Variants in ZNF670 observed in about 807,000 individuals in gnomAD.
ZNF670 encodes zinc finger protein 670.
Under a neutral mutation model 10.9 loss-of-function variants are expected in ZNF670, and 7 were observed. The ratio of observed to expected loss-of-function variants is 0.64; its 90% CI spans 0.36 to 1.20. ZNF670 has a LOEUF of 1.20. ZNF670 is among the 50% of genes most tolerant of loss of function. ZNF670 has a pLI of 0.02. For synonymous variants in ZNF670, 136 were observed against 152.7 expected, an observed-to-expected ratio of 0.89 and a Z score of 0.81; for missense variants, 446 against 458.6, an observed-to-expected ratio of 0.97 and a Z score of 0.25.
intron 1 of ZNF670, among the ~76,000 whole-genome samples, chr1:247,042,333 G>T (rs1435825739): frequency 2.6e-5 from 4 of 152,188 alleles, no homozygotes; most frequent in Admixed American, 2.6e-4. Context: ...ACCACATGGT[G>T]GTGGGCAATG....
chr1:247,066,572 A>C (rs1670984499), intron 1 of ZNF670, among the ~76,000 whole-genome samples: 1 of 152,134 alleles, frequency 6.6e-6, no homozygotes, highest in Non-Finnish European at 1.5e-5. Context: ...TAAACCACAA[A>C]TAACATTCTA....
At chr1:247,054,619 T>C (rs1265200064) in intron 1 of ZNF670, among the ~76,000 whole-genome samples, 1 of 152,152 alleles carries the variant, frequency 6.6e-6, no homozygotes, top group Non-Finnish European at 1.5e-5. Flanking sequence ...ACTAGCTAAT[T>C]TAAGATACAG....
At chr1:247,078,498 ACT>A in intron 1 of ZNF670, 94 bp downstream of exon 1, 1 of 1,514,506 alleles carries the variant, frequency 6.6e-7, no homozygotes, top group Non-Finnish European at 9.0e-7. Flanking sequence ...GCCGGCGGAA[ACT>A]CGGGTCGGCA....
rs1281699512 is a variant in ZNF670, at chr1:247,038,874, A to G, written c.131-4T>C. The G allele has an allele frequency of 6.2e-7, 1 of 1,609,432 alleles. No homozygotes were observed. The highest frequency in any genetic ancestry group is 8.5e-7 in the Non-Finnish European group (1 of 1,176,536). ...TTCTGGTCTTCTGATTTGTTTCCTA[A>G]AAGGTACAACCATAAGATTATTCAA... On this transcript the variant is annotated splice_polypyrimidine_tract_variant and splice_region_variant and intron_variant, in intron 2 of 3. Coordinates refer to ENST00000366503, the MANE Select transcript of ZNF670 (RefSeq NM_033213.5).
rs367754379 is a variant in ZNF670, at chr1:247,038,221, C to T, written c.398G>A (p.Cys133Tyr). ...ATATAACTTCTCTGGACATTCCTCA[C>T]ACTCAAATAGTTTGTTTCCAATGTG... ...LSHIGNKLFE[C>Y]EECPEKLYHC... is the part of the protein sequence containing the mutation. Residue 133 changes from cysteine (C) to tyrosine (Y), a missense_variant, in exon 4 of 4, where the codon TGT becomes TAT. Transcript: ENST00000366503. 2 of 1,614,076 alleles carry T rather than the reference C, an allele frequency of 1.2e-6. No homozygotes were observed. The highest frequency in any genetic ancestry group is 1.7e-6 in the Non-Finnish European group (2 of 1,180,032).
chr1:247,038,674 C>G, intron 3 of ZNF670, 136 bp downstream of exon 3: 1 of 741,126 alleles, frequency 1.3e-6, no homozygotes, highest in Non-Finnish European at 2.2e-6. Context: ...ATGTTACATT[C>G]AGGTGTATTT....
At position 247,077,753 on chromosome 1, in the gene ZNF670, C is replaced by A. The variant is rs568003132; in HGVS notation, c.3+841G>T. Among the ~76,000 whole-genome samples, 11 of 152,312 alleles carry A rather than the reference C, an allele frequency of 7.2e-5. No homozygotes were observed. The South Asian group carries it at 2.1e-3, about 29-fold the overall frequency. ...CCCCAGAAGAGTTAGGCTGTGGGAACAGGGTCGTTGATGTGAGATCCTGTT... is the reference window on the plus strand; with the variant it reads ...CCCCAGAAGAGTTAGGCTGTGGGAAAAGGGTCGTTGATGTGAGATCCTGTT... On this transcript the variant is annotated intron_variant, in intron 1 of 3. Transcript: ENST00000366503.
chr1:247,052,074 T>C (rs1345342373), intron 1 of ZNF670, among the ~76,000 whole-genome samples: 1 of 152,102 alleles, frequency 6.6e-6, no homozygotes, highest in Admixed American at 6.6e-5. Context: ...ATCAACCTTT[T>C]AAATTCTTTT....
At chr1:247,052,108 TTAGTTTG>T (rs1445729213) in intron 1 of ZNF670, among the ~76,000 whole-genome samples, 1 of 152,172 alleles carries the variant, frequency 6.6e-6, no homozygotes, top group Non-Finnish European at 1.5e-5. Flanking sequence ...AGATTTCTTC[TTAGTTTG>T]CATCCACTGC....
At position 247,068,319 on chromosome 1, in the gene ZNF670, C is replaced by CAAAAAAAAAAAAAAAAAAAAAAAAAA. The variant is rs74163724; in HGVS notation, c.3+10274_3+10275insTTTTTTTTTTTTTTTTTTTTTTTTTT. ...AGGTGACAGAGTAAGATTCTGTCTC[C>CAAAAAAAAAAAAAAAAAAAAAAAAAA]AAAAAAAAAAAAAAAAAAGATGGGC... On this transcript the variant is annotated intron_variant, in intron 1 of 3. Coordinates refer to ENST00000366503, the MANE Select transcript of ZNF670 (RefSeq NM_033213.5). Among the ~76,000 whole-genome samples, 39 of 55,222 alleles carry CAAAAAAAAAAAAAAAAAAAAAAAAAA rather than the reference C, an allele frequency of 7.1e-4. 1 individual carries two copies. Among genetic ancestry groups the CAAAAAAAAAAAAAAAAAAAAAAAAAA allele is most frequent in the Admixed American group, 1.0e-3 (5 of 4,980 alleles). The allele number at this position is 55,222 out of a possible 152,430, so 36.2% of individuals were successfully genotyped here.
chr1:247,038,011 T>A lies in ZNF670; in HGVS notation c.608A>T (p.Asp203Val), dbSNP rs764265073. ...ATAACTTGAATAATTGAAGGCTTTA[T>A]CACAATGTTTACATTTATATGTTTT... is the stretch of plus-strand genomic sequence containing the variant. ...GEKTYKCKHC[D>V]KAFNYSSYLR... Residue 203 changes from aspartate (D) to valine (V), a missense_variant, in exon 4 of 4, where the codon GAT becomes GTT. By Grantham distance (152) the Asp-to-Val change is radical. Coordinates refer to ENST00000366503, the MANE Select transcript of ZNF670 (RefSeq NM_033213.5). 2.5e-6 allele frequency: 4 copies of A among 1,613,774 alleles called. No homozygotes were observed. Among genetic ancestry groups the A allele is most frequent in the Non-Finnish European group, 3.4e-6 (4 of 1,179,910 alleles).
At chr1:247,038,729 A>G in intron 3 of ZNF670, 81 bp downstream of exon 3, 1 of 1,259,580 alleles carries the variant, frequency 7.9e-7, no homozygotes. Context: ...AGTGGTTCTT[A>G]GTTGTTTTGT....
intron 1 of ZNF670, among the ~76,000 whole-genome samples, chr1:247,056,810 A>T (rs1488422458): frequency 6.6e-6 from 1 of 152,140 alleles, no homozygotes; most frequent in African/African-American, 2.4e-5. Flanking sequence ...AGAAGAATAA[A>T]ACTAGACCAC....
chr1:247,062,972 G>A (rs571540509), intron 1 of ZNF670, among the ~76,000 whole-genome samples: 1 of 152,336 alleles, frequency 6.6e-6, no homozygotes, highest in Non-Finnish European at 1.5e-5. Context: ...GAGGGTGGCT[G>A]AGGATACATC....
In ZNF670 at chr1:247,072,812, A is replaced by G. The variant is rs1388632422; in HGVS notation, c.3+5782T>C. Among the ~76,000 whole-genome samples the G allele has an allele frequency of 9.9e-5, 5 of 50,542 alleles. 1 individual carries two copies. The South Asian group carries it at 2.1e-3, about 21-fold the overall frequency. 33.2% of individuals were successfully genotyped at this position (50,542 alleles called of 152,430 possible). A position where few individuals can be genotyped will look rare whatever the true frequency, so the allele number is the denominator to read the frequency against. The stretch of plus-strand genomic sequence containing the variant: ...CAAAAAAAAAAGTGTGTGTATATAT[A>G]TATATATATATATATATATATATAT... On this transcript the variant is annotated intron_variant, in intron 1 of 3. Transcript: ENST00000366503.
chr1:247,052,278 G>A (rs1670615604), intron 1 of ZNF670, among the ~76,000 whole-genome samples: 1 of 152,110 alleles, frequency 6.6e-6, no homozygotes, highest in African/African-American at 2.4e-5. Context: ...TGTCTCACAG[G>A]GTGATGCCTT....
chr1:247,078,649 G>A lies in ZNF670; in HGVS notation c.-53C>T, dbSNP rs1026815586. The stretch of plus-strand genomic sequence containing the variant: ...CCCTAAGGACCTTCCGGGACCTGCA[G>A]GTCCCAGAGCAACAGAAGCTGCCGC... On this transcript the variant is annotated 5_prime_UTR_variant, in exon 1 of 4. Transcript: ENST00000366503. 1.9e-6 allele frequency: 3 copies of A among 1,608,346 alleles called. No homozygotes were observed. Among genetic ancestry groups the A allele is most frequent in the East Asian group, 2.2e-5 (1 of 44,556 alleles).
chr1:247,038,565 C>A, intron 3 of ZNF670, 138 bp from the exon 4 acceptor site: 5 of 854,080 alleles, frequency 5.9e-6, no homozygotes, highest in Non-Finnish European at 7.0e-6. Context: ...GATATGGGTC[C>A]CCCATAGCTA....
rs766448135 is a variant in ZNF670 at position 247,038,300 on chromosome 1, C to T, written c.319G>A (p.Val107Met). ...TGACATATGAAGACTTTTCCACACA[C>T]ACTGCATTCACATGGCTTTACTCCA... Reference protein sequence around the residue: ...STGVKPCECSVCGKVFICHSA... With the variant: ...STGVKPCECSMCGKVFICHSA... Residue 107 changes from valine to methionine, a missense_variant, in exon 4 of 4, where the codon GTG becomes ATG. Coordinates refer to ENST00000366503, the MANE Select transcript of ZNF670 (RefSeq NM_033213.5). 5.4e-5 allele frequency: 87 copies of T among 1,614,086 alleles called. No homozygotes were observed. The highest frequency in any genetic ancestry group is 7.0e-5 in the Non-Finnish European group (83 of 1,180,028).
Sources: gnomAD v4.1 joint callset for allele counts (sites outside exome capture counted in the v4.1 genomes callset) on GRCh38, gnomAD v4.1.1 for gene constraint, MANE v1.5 for transcripts, NCBI Gene and HGNC (gene_info 2026-07-23, HGNC 2026-07-21) for gene names.